NKAIN3: variants seen among roughly 807,000 people sequenced by gnomAD.
The protein encoded by NKAIN3 is sodium/potassium transporting ATPase interacting 3.
In NKAIN3, 25 loss-of-function variants were observed where a neutral mutation model predicts 30.2. The observed-to-expected ratio is 0.83, with a 90% confidence interval of 0.60 to 1.16. The LOEUF is 1.16. NKAIN3 is among the 50% of genes most tolerant of loss of function. The pLI is 0.00. For synonymous variants in NKAIN3, 91 were observed against 89.6 expected (o/e 1.02, Z -0.09); for missense variants, 225 against 254.1 (o/e 0.89, Z 0.78).
chr8:62,786,636 T>C (rs987405680), intron 4 of NKAIN3, among the ~76,000 whole-genome samples: 3 of 152,180 alleles, frequency 2.0e-5, no homozygotes, highest in Non-Finnish European at 2.9e-5. Context: ...AACAGCTAGA[T>C]AAGCAGCCAG....
chr8:62,673,187 G>A (rs565289695), intron 3 of NKAIN3, among the ~76,000 whole-genome samples: 2 of 152,338 alleles, frequency 1.3e-5, no homozygotes, highest in South Asian at 4.1e-4. Context: ...GAAATATTAA[G>A]ATCAAGTTTG....
intron 3 of NKAIN3, among the ~76,000 whole-genome samples, chr8:62,719,124 C>T (rs1249538766): frequency 6.6e-6 from 1 of 152,164 alleles, no homozygotes; most frequent in Non-Finnish European, 1.5e-5. Context: ...TTTCTTGGTG[C>T]ACTGGGATGC....
intron 1 of NKAIN3, among the ~76,000 whole-genome samples, chr8:62,403,194 G>A (rs1479014045): frequency 6.6e-6 from 1 of 152,174 alleles, no homozygotes; most frequent in Non-Finnish European, 1.5e-5. Context: ...AGGGTATCTG[G>A]TGGAAGAAAT....
intron 1 of NKAIN3, among the ~76,000 whole-genome samples, chr8:62,370,361 G>A (rs980426478): frequency 2.6e-5 from 4 of 151,872 alleles, no homozygotes; most frequent in Non-Finnish European, 4.4e-5. Flanking sequence ...CCAGTCCTAC[G>A]CGAAATGTAA....
intron 3 of NKAIN3, among the ~76,000 whole-genome samples, chr8:62,737,373 C>A (rs1815708900): frequency 6.6e-6 from 1 of 152,178 alleles, no homozygotes; most frequent in Non-Finnish European, 1.5e-5. Context: ...ATCACTTTTA[C>A]AATAAGCAGA....
Position 62,488,655 on chromosome 8 carries a change from G to A in NKAIN3, c.55-90884G>A, listed in dbSNP as rs1419184081. Among the ~76,000 whole-genome samples, 5 of 152,178 alleles carry A rather than the reference G, an allele frequency of 3.3e-5. No individual in the cohort carries two copies. The East Asian group carries it at 5.8e-4, about 18-fold the overall frequency. On this transcript the variant is annotated intron_variant, in intron 1 of 6. Coordinates refer to ENST00000623646, the MANE Select transcript of NKAIN3 (RefSeq NM_001304533.3). ...AAGACTTGTGGTAAAAGTTATCAGC[G>A]TATAGGTCTCTTACTAGCCTAGAAT... is the stretch of plus-strand genomic sequence containing the variant.
At chr8:62,400,752 C>A (rs1803833150) in intron 1 of NKAIN3, among the ~76,000 whole-genome samples, 1 of 150,560 alleles carries the variant, frequency 6.6e-6, no homozygotes, top group East Asian at 2.0e-4. Context: ...TGTCTCCTGT[C>A]CTGTAAGGGT....
At chr8:62,697,756 C>G (rs901012641) in intron 3 of NKAIN3, among the ~76,000 whole-genome samples, 35 of 152,270 alleles carry the variant, frequency 2.3e-4, no homozygotes, top group African/African-American at 8.4e-4. Context: ...TACTCATTAA[C>G]TAAGATGAGC....
intron 4 of NKAIN3, among the ~76,000 whole-genome samples, chr8:62,821,323 T>C (rs147378087): frequency 1.9e-3 from 293 of 152,300 alleles, no homozygotes; most frequent in Admixed American, 6.9e-3. Flanking sequence ...TTTCACTATA[T>C]CAAGACAGAG....
At chr8:62,516,042 C>T (rs1036251083) in intron 1 of NKAIN3, among the ~76,000 whole-genome samples, 3 of 151,932 alleles carry the variant, frequency 2.0e-5, no homozygotes, top group African/African-American at 7.2e-5. Context: ...CAAAAAGCCC[C>T]ATTTTTTTTT....
intron 4 of NKAIN3, among the ~76,000 whole-genome samples, chr8:62,867,612 C>T (rs1299600829): frequency 6.6e-6 from 1 of 152,184 alleles, no homozygotes; most frequent in Non-Finnish European, 1.5e-5. Context: ...GCTCTCTTCT[C>T]AGCAAGGCTG....
At chr8:62,338,741 A>G (rs1815645676) in intron 1 of NKAIN3, among the ~76,000 whole-genome samples, 1 of 151,968 alleles carries the variant, frequency 6.6e-6, no homozygotes, top group Non-Finnish European at 1.5e-5. Context: ...CCAGGGCAGG[A>G]AGGGTCCAGC....
At chr8:62,878,510 TTA>T (rs1820869525) in intron 4 of NKAIN3, among the ~76,000 whole-genome samples, 1 of 146,088 alleles carries the variant, frequency 6.8e-6, no homozygotes, top group South Asian at 2.1e-4. Context: ...TGTTGTGTTT[TTA>T]TTATTATTAT....
At chr8:62,927,211 G>A (rs1410071692) in intron 5 of NKAIN3, among the ~76,000 whole-genome samples, 1 of 152,034 alleles carries the variant, frequency 6.6e-6, no homozygotes, top group Non-Finnish European at 1.5e-5. Flanking sequence ...TGCCTCCTGA[G>A]TTATCACTGA....
chr8:62,364,594 G>A (rs558790990), intron 1 of NKAIN3, among the ~76,000 whole-genome samples: 4 of 152,064 alleles, frequency 2.6e-5, no homozygotes. Flanking sequence ...TGTAATCCCA[G>A]CACTTTGGGA....
intron 1 of NKAIN3, among the ~76,000 whole-genome samples, chr8:62,363,441 A>G (rs1435715848): frequency 6.6e-6 from 1 of 152,236 alleles, no homozygotes; most frequent in East Asian, 1.9e-4. Context: ...GAGACCCTGG[A>G]CATTCCGCCT....
chr8:62,543,723 G>T (rs1993129), intron 1 of NKAIN3, among the ~76,000 whole-genome samples: 76,774 of 151,958 alleles, frequency 0.51, 20,156 homozygotes, highest in Non-Finnish European at 0.59. Flanking sequence ...TGTAACATTT[G>T]TAATACATAA....
intron 1 of NKAIN3, among the ~76,000 whole-genome samples, chr8:62,521,702 A>G (rs916323505): frequency 6.6e-6 from 1 of 152,132 alleles, no homozygotes; most frequent in Admixed American, 6.6e-5. Flanking sequence ...CTGGCTCTCT[A>G]CAATATTGTT....
chr8:62,670,879 G>GCACACACACACACACA (rs57917158), intron 3 of NKAIN3, among the ~76,000 whole-genome samples: 15 of 141,986 alleles, frequency 1.1e-4, no homozygotes, highest in Non-Finnish European at 1.7e-4. Context: ...ACACATACAA[G>GCACACACACACACACA]CACACACACA....
Sources: gnomAD v4.1 joint callset for allele counts (sites outside exome capture counted in the v4.1 genomes callset) on GRCh38, gnomAD v4.1.1 for gene constraint, MANE v1.5 for transcripts, NCBI Gene and HGNC (gene_info 2026-07-23, HGNC 2026-07-21) for gene names.